The following ERFL variants were observed in gnomAD, a reference collection of about 807,000 sequenced individuals.
ERFL encodes ETS repressor factor like.
A neutral mutation model predicts 27.9 loss-of-function variants in ERFL; 8 were observed. The observed-to-expected ratio is 0.29, with a 90% CI of 0.17 to 0.52. The LOEUF is 0.52. Among genes scored for constraint, ERFL ranks in the 20% least tolerant of loss-of-function variants. The pLI, the probability that ERFL is intolerant of heterozygous loss-of-function variation, is 0.97. For missense variants in ERFL, 294 were observed against 444.4 expected (o/e 0.66, Z 3.04); for synonymous variants, 174 against 202.8 (o/e 0.86, Z 1.21).
At chr19:41,913,208 C>G (rs1035794878) in intron 1 of ERFL, among the ~76,000 whole-genome samples, 2 of 151,872 alleles carry the variant, frequency 1.3e-5, no homozygotes, top group Non-Finnish European at 2.9e-5. Context: ...CCGCTCCCAG[C>G]CTCCCTCCCC....
intron 1 of ERFL, among the ~76,000 whole-genome samples, chr19:41,926,466 G>A (rs987221288): frequency 3.9e-5 from 6 of 152,100 alleles, no homozygotes; most frequent in Admixed American, 3.9e-4. Flanking sequence ...TTAGTTACCT[G>A]AGGCCACAGG....
At chr19:41,920,536 TCA>T (rs1467490970) in intron 1 of ERFL, among the ~76,000 whole-genome samples, 3 of 148,398 alleles carry the variant, frequency 2.0e-5, no homozygotes, top group Non-Finnish European at 4.4e-5. Context: ...CATGATGCAC[TCA>T]CAGACAGGAC....
At chr19:41,918,495 A>G (rs932155143) in intron 1 of ERFL, among the ~76,000 whole-genome samples, 1 of 145,640 alleles carries the variant, frequency 6.9e-6, no homozygotes, top group Non-Finnish European at 1.5e-5. Context: ...CACCACACAC[A>G]CATCACACAC....
chr19:41,921,152 C>A lies in ERFL; in HGVS notation c.-14+6888G>T, dbSNP rs986997493. ...GGGAGAGGGAGGGTGGAGGCGCCAC[C>A]GTGAGGCGAGGCGGAGGGAGGTCTG... On this transcript the variant is annotated intron_variant, in intron 1 of 5. Coordinates refer to ENST00000597630, the MANE Select transcript of ERFL (RefSeq NM_001365103.2). The surrounding 1 kb of genome is among the most constrained non-coding windows in gnomAD (Gnocchi z 4.4). Among the ~76,000 whole-genome samples the A allele has an allele frequency of 6.6e-6, 1 of 152,108 alleles. No individual in the cohort carries two copies. The highest frequency in any genetic ancestry group is 2.4e-5 in the African/African-American group (1 of 41,426).
chr19:41,920,282 A>G (rs1460182277), intron 1 of ERFL, among the ~76,000 whole-genome samples: 1 of 123,020 alleles, frequency 8.1e-6, no homozygotes, highest in African/African-American at 3.0e-5. Context: ...CAGACATGAT[A>G]ACGCTCACAG....
chr19:41,927,249 TAGAA>T (rs782173358), intron 1 of ERFL, among the ~76,000 whole-genome samples: 2 of 151,908 alleles, frequency 1.3e-5, no homozygotes, highest in Non-Finnish European at 2.9e-5. Flanking sequence ...GGTGGAATGA[TAGAA>T]AGGGTGTCCC....
chr19:41,912,785 G>C (rs1288953382), intron 2 of ERFL, 68 bp downstream of exon 2: 1 of 545,366 alleles, frequency 1.8e-6, no homozygotes, highest in Non-Finnish European at 2.8e-6. Flanking sequence ...ACGGAGAGAA[G>C]GGGGATGCGG....
chr19:41,914,525 C>A (rs1477794318), intron 1 of ERFL, among the ~76,000 whole-genome samples: 1 of 151,600 alleles, frequency 6.6e-6, no homozygotes, highest in African/African-American at 2.4e-5. Context: ...ATGACTTTCT[C>A]CCCATCTCTG....
chr19:41,923,367 CAGAG>C (rs1280514422), intron 1 of ERFL: 1 of 349,822 alleles, frequency 2.9e-6, no homozygotes, highest in African/African-American at 2.2e-5. Flanking sequence ...GAGAGAGAGT[CAGAG>C]AGCTGTAAAG....
intron 1 of ERFL, among the ~76,000 whole-genome samples, chr19:41,924,554 A>G (rs1301203800): frequency 6.6e-6 from 1 of 151,848 alleles, no homozygotes; most frequent in African/African-American, 2.4e-5. Context: ...CCATCAGTAT[A>G]TATGGGGAGG....
intron 1 of ERFL, among the ~76,000 whole-genome samples, chr19:41,927,710 G>C (rs1357912695): frequency 3.9e-5 from 6 of 151,944 alleles, no homozygotes; most frequent in African/African-American, 1.5e-4. Context: ...CCTTCAGGTC[G>C]GCCACCAACC....
At chr19:41,915,913 G>A (rs555940150) in intron 1 of ERFL, among the ~76,000 whole-genome samples, 165 of 152,242 alleles carry the variant, frequency 1.1e-3, no homozygotes, top group African/African-American at 3.5e-3. Context: ...CTGTGGATGG[G>A]GAGCAGCCAC....
At position 41,909,421 on chromosome 19, in the gene ERFL, G is replaced by T; in HGVS notation, c.353C>A (p.Thr118Asn). Residue 118 changes from threonine to asparagine, a missense_variant, in exon 4 of 6, where the codon ACC becomes AAC. Transcript: ENST00000597630. This position sits in a 1 kb window ranked among gnomAD's most constrained non-coding sequence, Gnocchi z 5.2. ...GACTTTGCTGAAGTTGAACTTGTAGGTGAACCTCTTCCCTTTGGTCTTGTG... is the reference window on the plus strand; with the variant it reads ...GACTTTGCTGAAGTTGAACTTGTAGTTGAACCTCTTCCCTTTGGTCTTGTG... ...ILHKTKGKRF[T>N]YKFNFSKVVL... The T allele has an allele frequency of 8.1e-7, 1 of 1,237,732 alleles. No individual in the cohort carries two copies. The highest frequency in any genetic ancestry group is 1.0e-6 in the Non-Finnish European group (1 of 990,546). The allele number at this position is 1,237,732 out of a possible 1,614,324, so 76.7% of individuals were successfully genotyped here.
chr19:41,919,512 TACACACACAC>T (rs60525805), intron 1 of ERFL, among the ~76,000 whole-genome samples: 1 of 146,486 alleles, frequency 6.8e-6, no homozygotes, highest in East Asian at 2.0e-4. Flanking sequence ...CGTGCACGCG[TACACACACAC>T]ACACACACAC....
chr19:41,914,987 ATCTCTGTCTCTCCTG>A (rs2074790892), intron 1 of ERFL, among the ~76,000 whole-genome samples: 1 of 34,700 alleles, frequency 2.9e-5, no homozygotes, highest in Non-Finnish European at 5.0e-5. Context: ...CCCCTCCAGC[ATCTCTGTCTCTCCTG>A]TCTCTGCCCC....
intron 1 of ERFL, among the ~76,000 whole-genome samples, chr19:41,924,914 G>A (rs1160334941): frequency 1.3e-5 from 2 of 152,148 alleles, no homozygotes; most frequent in Non-Finnish European, 2.9e-5. Context: ...CAAGCTGCAG[G>A]GACAGGTATC....
Position 41,909,310 on chromosome 19 carries a change from GC to G in ERFL, c.463del (p.Ala155ProfsTer210). On this transcript the variant is annotated frameshift_variant, in exon 4 of 6. Transcript: ENST00000597630. LOFTEE classifies it high-confidence loss of function. The surrounding 1 kb of genome is among the most constrained non-coding windows in gnomAD (Gnocchi z 5.2). ...LLLTPSPFGG[A>X]PGPDAPPLTP... ...GAGGGGAGGAGCATCTGGCCCTGGG[GC>G]CCCCCCAAAGGGACTGGGGGTCAGC... is the stretch of plus-strand genomic sequence containing the variant. The G allele has an allele frequency of 3.2e-6, 4 of 1,234,682 alleles. No homozygotes were observed. Among genetic ancestry groups the G allele is most frequent in the Non-Finnish European group, 3.0e-6 (3 of 989,196 alleles). 76.5% of individuals were successfully genotyped at this position (1,234,682 alleles called of 1,614,324 possible). A position where few individuals can be genotyped will look rare whatever the true frequency, so the allele number is the denominator to read the frequency against.
At chr19:41,924,705 G>C (rs1431499920) in intron 1 of ERFL, among the ~76,000 whole-genome samples, 1 of 152,138 alleles carries the variant, frequency 6.6e-6, no homozygotes, top group Non-Finnish European at 1.5e-5. Context: ...GCGGGGAGCA[G>C]GTGTGGGGGT....
intron 1 of ERFL, among the ~76,000 whole-genome samples, chr19:41,914,546 T>TCCCTCCCCTTCCACCATCTCTGTCTC (rs2074775480): frequency 1.7e-5 from 2 of 118,384 alleles, no homozygotes; most frequent in Non-Finnish European, 3.5e-5. Context: ...CTATCCGTCT[T>TCCCTCCCCTTCCACCATCTCTGTCTC]TCCCTCCCCT....
Sources: gnomAD v4.1 joint callset for allele counts (sites outside exome capture counted in the v4.1 genomes callset) on GRCh38, gnomAD v4.1.1 for gene constraint, Gnocchi (gnomAD v3.1) non-coding constraint, MANE v1.5 for transcripts, NCBI Gene and HGNC (gene_info 2026-07-23, HGNC 2026-07-21) for gene names.